Variants in ENPP2 observed in about 807,000 individuals in gnomAD.
ENPP2 encodes the protein autotaxin.
Under a neutral mutation model 120.2 loss-of-function variants are expected in ENPP2, and 51 were observed. That is an observed-to-expected ratio of 0.42 (90% confidence interval 0.34 to 0.54). ENPP2 has a LOEUF of 0.54. ENPP2 is among the 20% of genes least tolerant of loss of function. The pLI is 0.04. For missense variants in ENPP2, 920 were observed against 1,066.5 expected (o/e 0.86, Z 1.91); for synonymous variants, 365 against 366.4 (o/e 1.00, Z 0.04).
intron 1 of ENPP2, among the ~76,000 whole-genome samples, chr8:119,649,284 C>G (rs1473978400): frequency 6.7e-6 from 1 of 150,136 alleles, no homozygotes; most frequent in Non-Finnish European, 1.5e-5. Flanking sequence ...CACCTGTAGT[C>G]CCAGCTACTC....
chr8:119,635,145 T>A (rs1329836722), intron 2 of ENPP2, among the ~76,000 whole-genome samples: 1 of 152,220 alleles, frequency 6.6e-6, no homozygotes, highest in East Asian at 1.9e-4. Flanking sequence ...AATTATCAAA[T>A]GAACATAAAC....
At chr8:119,607,600 G>C in intron 9 of ENPP2, among the ~76,000 whole-genome samples, 1 of 151,902 alleles carries the variant, frequency 6.6e-6, no homozygotes, top group East Asian at 1.9e-4. Flanking sequence ...ACTTGAACCC[G>C]GGAGGCAGAG....
rs185223969 is a variant in ENPP2, at chr8:119,631,277, C to T, written c.137-4557G>A. On this transcript the variant is annotated intron_variant, in intron 2 of 24. Transcript: ENST00000075322. ...TGTCACCCAGGCTGGAGTGCAGTGG[C>T]GCAATCTTGGCTCACTACAAGCTCT... Among the ~76,000 whole-genome samples the T allele has an allele frequency of 8.1e-3, 987 of 122,468 alleles. 12 individuals are homozygous for T. The highest frequency in any genetic ancestry group is 0.03 in the African/African-American group (952 of 31,358). 80.3% of individuals were successfully genotyped at this position (122,468 alleles called of 152,430 possible). A position where few individuals can be genotyped will look rare whatever the true frequency, so the allele number is the denominator to read the frequency against.
chr8:119,649,565 G>A (rs1238263280), intron 1 of ENPP2, among the ~76,000 whole-genome samples: 1 of 152,200 alleles, frequency 6.6e-6, no homozygotes. Flanking sequence ...GGGAAGATCT[G>A]CTTTTTCATG....
intron 1 of ENPP2, among the ~76,000 whole-genome samples, chr8:119,649,396 C>T (rs1587571561): frequency 7.2e-6 from 1 of 138,554 alleles, no homozygotes; most frequent in African/African-American, 2.7e-5. Flanking sequence ...AGCAAGACTC[C>T]ATCTCAAAAA....
At chr8:119,667,595 TC>T (rs767622746) in intron 1 of ENPP2, among the ~76,000 whole-genome samples, 1 of 152,296 alleles carries the variant, frequency 6.6e-6, no homozygotes, top group South Asian at 2.1e-4. Flanking sequence ...CTCTTATAAC[TC>T]CTAATTCACT....
intron 19 of ENPP2, 59 bp downstream of exon 19, chr8:119,580,057 C>A (rs1331177008): frequency 8.5e-7 from 1 of 1,170,148 alleles, no homozygotes; most frequent in Non-Finnish European, 1.3e-6. Context: ...AATAAGAAGC[C>A]TTTTCGATTT....
At chr8:119,630,341 C>A (rs1437990359) in intron 2 of ENPP2, among the ~76,000 whole-genome samples, 3 of 152,152 alleles carry the variant, frequency 2.0e-5, no homozygotes, top group Non-Finnish European at 4.4e-5. Flanking sequence ...CTCCTGACCT[C>A]AGGTGATCCA....
In ENPP2 at chr8:119,564,926, C is replaced by T. The variant is rs1814284048; in HGVS notation, c.2161G>A (p.Val721Met). Reference sequence around the variant, plus strand: ...TTTCTTTCCGAAGCATATTTCTTCACCAATACCCTTTGGAAATAATTCCAG... The same window carrying T: ...TTTCTTTCCGAAGCATATTTCTTCATCAATACCCTTTGGAAATAATTCCAG... ...RVWNYFQRVL[V>M]KKYASERNGV... The change falls in exon 23 of 25, where the codon GTG becomes ATG. Residue 721 changes from valine to methionine, a missense_variant. By Grantham distance (21) the Val-to-Met change is conservative. Coordinates refer to ENST00000075322, the MANE Select transcript of ENPP2 (RefSeq NM_001040092.3). 5 of 1,613,376 alleles carry T rather than the reference C, an allele frequency of 3.1e-6. No homozygotes were observed. The highest frequency in any genetic ancestry group is 4.2e-6 in the Non-Finnish European group (5 of 1,179,568).
At chr8:119,588,114 G>A (rs1262406186) in intron 13 of ENPP2, among the ~76,000 whole-genome samples, 2 of 152,158 alleles carry the variant, frequency 1.3e-5, no homozygotes, top group Non-Finnish European at 2.9e-5. Flanking sequence ...TCTAAAGCTT[G>A]AAATCCGAAA....
chr8:119,658,297 T>C (rs1428651160), intron 1 of ENPP2, among the ~76,000 whole-genome samples: 1 of 152,134 alleles, frequency 6.6e-6, no homozygotes, highest in Non-Finnish European at 1.5e-5. Context: ...TTAGGCAGAG[T>C]CTCAGCTCTG....
At position 119,652,085 on chromosome 8, in the gene ENPP2, G is replaced by T. The variant is rs1398907494; in HGVS notation, c.22-13558C>A. 2.6e-5 allele frequency among the ~76,000 whole-genome samples: 4 copies of T among 152,116 alleles called. No homozygotes were observed. In the East Asian group the frequency reaches 7.7e-4, roughly 29 times the overall value. On this transcript the variant is annotated intron_variant, in intron 1 of 25. Transcript: ENST00000427067. ...ATATAACATAAATGTATTTTTCATA[G>T]TTCTGGAGGCTGGGAGGTTTACGAT...
intron 19 of ENPP2, chr8:119,571,484 C>T (rs1814976460): frequency 6.6e-6 from 1 of 152,050 alleles, no homozygotes; most frequent in African/African-American, 2.4e-5. Flanking sequence ...ATGAAGACCC[C>T]CAGTGCAGAT....
intron 22 of ENPP2, among the ~76,000 whole-genome samples, chr8:119,566,090 C>T (rs554551792): frequency 2.0e-5 from 3 of 152,310 alleles, no homozygotes; most frequent in East Asian, 3.9e-4. Flanking sequence ...CTCTTTCCTT[C>T]GTTTGAAAAA....
chr8:119,647,570 C>A (rs978959168), intron 1 of ENPP2, among the ~76,000 whole-genome samples: 11 of 152,154 alleles, frequency 7.2e-5, no homozygotes, highest in African/African-American at 2.7e-4. Flanking sequence ...AACATTAAAA[C>A]TTTGTTTCCA....
intron 22 of ENPP2, among the ~76,000 whole-genome samples, chr8:119,565,771 C>T (rs999446533): frequency 6.6e-6 from 1 of 152,204 alleles, no homozygotes; most frequent in Non-Finnish European, 1.5e-5. Flanking sequence ...CCTGGGTTCC[C>T]TGTGAAATGC....
At chr8:119,575,373 G>A (rs566700087) in intron 19 of ENPP2, among the ~76,000 whole-genome samples, 16 of 152,120 alleles carry the variant, frequency 1.1e-4, no homozygotes, top group Non-Finnish European at 1.6e-4. Flanking sequence ...AACTCTGCCC[G>A]AGTAATGCCT....
chr8:119,664,462 G>A (rs1258343695), intron 1 of ENPP2, among the ~76,000 whole-genome samples: 1 of 152,004 alleles, frequency 6.6e-6, no homozygotes, highest in African/African-American at 2.4e-5. Context: ...TGATTTGCAA[G>A]CCGTGAAACT....
In ENPP2 at chr8:119,598,932, C is replaced by G. The variant is rs148191371; in HGVS notation, c.972+1746G>C. 3.6e-4 allele frequency among the ~76,000 whole-genome samples: 55 copies of G among 152,244 alleles called. 1 individual carries two copies. The highest frequency in any genetic ancestry group is 1.2e-3 in the African/African-American group (51 of 41,536). On this transcript the variant is annotated intron_variant, in intron 11 of 24. Transcript: ENST00000075322. ...CTATACCAATCCGTTTTGCCTACCCCACAGGTTCTTTGAGGGGATGCTATT... is the reference window on the plus strand; with the variant it reads ...CTATACCAATCCGTTTTGCCTACCCGACAGGTTCTTTGAGGGGATGCTATT...
Sources: allele counts gnomAD v4.1 joint callset (sites outside exome capture counted in the v4.1 genomes callset), GRCh38; gene constraint gnomAD v4.1.1; transcripts MANE v1.5; gene names NCBI Gene and HGNC (gene_info 2026-07-23, HGNC 2026-07-21).